Variants in MYRIP observed in about 807,000 individuals in gnomAD.
The protein encoded by MYRIP is rab effector MyRIP.
In MYRIP, 49 loss-of-function variants were observed where a neutral mutation model predicts 98.0. The ratio of observed to expected loss-of-function variants is 0.50; its 90% CI spans 0.40 to 0.63. MYRIP has a LOEUF of 0.63. Among genes scored for constraint, MYRIP ranks in the 30% least tolerant of loss-of-function variants. The pLI is 0.00. For synonymous variants in MYRIP, 404 were observed against 409.5 expected (o/e 0.99, Z 0.16); for missense variants, 1,004 against 1,058.2 (o/e 0.95, Z 0.71).
At chr3:40,144,345 A>G (rs1419935382) in intron 3 of MYRIP, among the ~76,000 whole-genome samples, 1 of 152,310 alleles carries the variant, frequency 6.6e-6, no homozygotes, top group Non-Finnish European at 1.5e-5. Context: ...CTCAACCCCA[A>G]TGGCAGGTCT....
chr3:39,839,843 T>C (rs1280654099), intron 1 of MYRIP, among the ~76,000 whole-genome samples: 2 of 152,222 alleles, frequency 1.3e-5, no homozygotes, highest in African/African-American at 4.8e-5. Flanking sequence ...TGAGAGACTA[T>C]TATGGTTTCC....
intron 3 of MYRIP, among the ~76,000 whole-genome samples, chr3:40,141,881 T>A (rs1204780332): frequency 6.6e-6 from 1 of 152,170 alleles, no homozygotes; most frequent in Non-Finnish European, 1.5e-5. Flanking sequence ...GATAATACAA[T>A]GCCTCTAGCT....
At chr3:40,055,509 T>C (rs6808614) in intron 3 of MYRIP, among the ~76,000 whole-genome samples, 44,080 of 151,760 alleles carry the variant, frequency 0.29, 6,423 homozygotes, top group East Asian at 0.35. Context: ...CAGCTTGTCA[T>C]GAGTTGAGGC....
At chr3:40,170,573 A>G (rs1027679648) in intron 8 of MYRIP, among the ~76,000 whole-genome samples, 1 of 152,208 alleles carries the variant, frequency 6.6e-6, no homozygotes, top group Non-Finnish European at 1.5e-5. Flanking sequence ...TGTCACCTTG[A>G]GTCACAGAGC....
rs1953679718 is a variant in MYRIP at position 40,258,663 on chromosome 3, A to T, written c.*497A>T. The T allele has an allele frequency of 1.2e-5, 2 of 161,740 alleles. No individual in the cohort carries two copies. The highest frequency in any genetic ancestry group is 2.7e-5 in the Non-Finnish European group (2 of 72,774). 10.0% of individuals were successfully genotyped at this position (161,740 alleles called of 1,614,324 possible). A position where few individuals can be genotyped will look rare whatever the true frequency, so the allele number is the denominator to read the frequency against. ...TCTTGCAAATCCTAAGGGAAAAGCA[A>T]GTCCCTGCAGTGAGCACTAGGGACA... is the stretch of plus-strand genomic sequence containing the variant. On this transcript the variant is annotated 3_prime_UTR_variant, in exon 17 of 17. Coordinates refer to ENST00000302541, the MANE Select transcript of MYRIP (RefSeq NM_015460.4).
At chr3:40,158,636 T>C (rs1183448255) in intron 4 of MYRIP, among the ~76,000 whole-genome samples, 2 of 152,168 alleles carry the variant, frequency 1.3e-5, no homozygotes, top group African/African-American at 2.4e-5. Context: ...AGTCTAAGTC[T>C]CTTTGTAGGT....
intron 2 of MYRIP, among the ~76,000 whole-genome samples, chr3:39,912,246 G>T (rs551760259): frequency 1.3e-5 from 2 of 152,300 alleles, no homozygotes; most frequent in South Asian, 4.1e-4. Context: ...ACTAGCTCCT[G>T]CATACCCAGC....
chr3:39,932,158 A>G (rs763704478), intron 2 of MYRIP, among the ~76,000 whole-genome samples: 2 of 152,176 alleles, frequency 1.3e-5, no homozygotes, highest in African/African-American at 2.4e-5. Flanking sequence ...AGAAGAGTGT[A>G]TCACAAGATA....
At chr3:39,996,896 A>C (rs532207666) in intron 2 of MYRIP, among the ~76,000 whole-genome samples, 2 of 152,246 alleles carry the variant, frequency 1.3e-5, no homozygotes, top group Non-Finnish European at 2.9e-5. Context: ...AAACTGCTCA[A>C]CTACATGGAA....
intron 10 of MYRIP, among the ~76,000 whole-genome samples, chr3:40,204,145 A>T (rs1575628992): frequency 7.2e-5 from 2 of 27,954 alleles, no homozygotes; most frequent in Admixed American, 7.7e-4. Flanking sequence ...TATATTATAT[A>T]ATATATAAAT....
chr3:39,965,463 T>C (rs1945417300), intron 2 of MYRIP, among the ~76,000 whole-genome samples: 1 of 152,174 alleles, frequency 6.6e-6, no homozygotes, highest in African/African-American at 2.4e-5. Context: ...TACTTAATTA[T>C]AGCAATTAAG....
At chr3:39,950,618 C>T (rs1047634923) in intron 2 of MYRIP, among the ~76,000 whole-genome samples, 2 of 152,134 alleles carry the variant, frequency 1.3e-5, no homozygotes, top group Non-Finnish European at 2.9e-5. Context: ...CTGGGTCTCT[C>T]TTTCCATTTG....
chr3:40,129,096 T>C (rs986165439), intron 3 of MYRIP, among the ~76,000 whole-genome samples: 1 of 151,888 alleles, frequency 6.6e-6, no homozygotes, highest in Non-Finnish European at 1.5e-5. Context: ...AGTTAACTAC[T>C]CTGTCTCTTG....
chr3:40,106,927 T>C (rs1487669401), intron 3 of MYRIP, among the ~76,000 whole-genome samples: 1 of 152,194 alleles, frequency 6.6e-6, no homozygotes, highest in Admixed American at 6.5e-5. Flanking sequence ...TTTTTTGATA[T>C]GCTCTTTATC....
chr3:40,151,183 A>G lies in MYRIP; in HGVS notation c.468A>G (p.Leu156=), dbSNP rs1335268315. 1 of 1,597,228 alleles carries G rather than the reference A, an allele frequency of 6.3e-7. No homozygotes were observed. Residue 156 remains leucine (L), a splice_region_variant and synonymous_variant, in exon 4 of 17, where the codon CTA becomes CTG. Transcript: ENST00000302541. ...AGAGTGGCGCGTGCTTCGACATTCT[A>G]GGTACTCTCACTTCCTGCCGCTCTG... ...RLESGACFDI[L]GGSLFESNLE...
chr3:40,153,288 A>G (rs1376409364), intron 4 of MYRIP, among the ~76,000 whole-genome samples: 4 of 152,210 alleles, frequency 2.6e-5, no homozygotes, highest in African/African-American at 9.6e-5. Flanking sequence ...AGCCATGGTC[A>G]TAAAACAACG....
chr3:40,130,784 G>A (rs1190867113), intron 3 of MYRIP, among the ~76,000 whole-genome samples: 5 of 151,986 alleles, frequency 3.3e-5, no homozygotes, highest in Non-Finnish European at 5.9e-5. Flanking sequence ...ACCACCTGGG[G>A]ATATGATGGG....
At chr3:40,092,398 G>T (rs1948749479) in intron 3 of MYRIP, among the ~76,000 whole-genome samples, 1 of 152,282 alleles carries the variant, frequency 6.6e-6, no homozygotes, top group African/African-American at 2.4e-5. Context: ...GGATAGCTAT[G>T]CCTCCCCAAA....
At chr3:39,850,045 C>A (rs1942081939) in intron 1 of MYRIP, among the ~76,000 whole-genome samples, 1 of 152,160 alleles carries the variant, frequency 6.6e-6, no homozygotes, top group African/African-American at 2.4e-5. Flanking sequence ...TTCTGATGTT[C>A]CTCTTCCTAG....
Sources: gnomAD v4.1 joint callset for allele counts (sites outside exome capture counted in the v4.1 genomes callset) on GRCh38, gnomAD v4.1.1 for gene constraint, MANE v1.5 for transcripts, NCBI Gene and HGNC (gene_info 2026-07-23, HGNC 2026-07-21) for gene names.